SYT1: variants seen among roughly 807,000 people sequenced by gnomAD.
SYT1 encodes synaptotagmin-1.
Under a neutral mutation model 44.8 loss-of-function variants are expected in SYT1, and 8 were observed. The observed-to-expected ratio is 0.18, with a 90% confidence interval of 0.10 to 0.32. SYT1 has a LOEUF of 0.32. Among genes scored for constraint, SYT1 ranks in the 10% least tolerant of loss-of-function variants. The pLI is 1.00. For missense variants in SYT1, 286 were observed against 509.3 expected, an observed-to-expected ratio of 0.56 and a Z score of 4.22; for synonymous variants, 154 against 188.8, an observed-to-expected ratio of 0.82 and a Z score of 1.51.
chr12:79,045,317 C>G (rs992842317), intron 2 of SYT1, among the ~76,000 whole-genome samples: 1 of 152,136 alleles, frequency 6.6e-6, no homozygotes, highest in Non-Finnish European at 1.5e-5. Context: ...GGGATATAAT[C>G]TCGTGGTGCG....
Position 78,865,060 on chromosome 12 carries a change from G to A in SYT1, c.-266G>A, listed in dbSNP as rs920250780. ...TGTGCCTCGCGCCGGTCCACGCGGGGAGAGCACTGGGGACCGAGACCCGGC... is the reference window on the plus strand; with the variant it reads ...TGTGCCTCGCGCCGGTCCACGCGGGAAGAGCACTGGGGACCGAGACCCGGC... On this transcript the variant is annotated 5_prime_UTR_variant, in exon 1 of 11. Coordinates refer to ENST00000261205, the MANE Select transcript of SYT1 (RefSeq NM_005639.3). 1 of 152,384 alleles carries A rather than the reference G, an allele frequency of 6.6e-6. No homozygotes were observed. Among genetic ancestry groups the A allele is most frequent in the Admixed American group, 6.5e-5 (1 of 15,310 alleles). 9.4% of individuals were successfully genotyped at this position (152,384 alleles called of 1,614,324 possible).
At chr12:78,931,360 G>A (rs1175465553) in intron 1 of SYT1, among the ~76,000 whole-genome samples, 2 of 57,808 alleles carry the variant, frequency 3.5e-5, no homozygotes, top group Non-Finnish European at 7.3e-5. Flanking sequence ...AAGGAAGGAA[G>A]GAAGGAAGGA....
intron 1 of SYT1, among the ~76,000 whole-genome samples, chr12:78,883,477 C>A (rs1396934583): frequency 6.6e-6 from 1 of 151,666 alleles, no homozygotes; most frequent in South Asian, 2.1e-4. Flanking sequence ...GTCTTCTCTT[C>A]CAAGGTGAAA....
intron 2 of SYT1, among the ~76,000 whole-genome samples, chr12:79,034,308 A>G (rs540705971): frequency 2.0e-5 from 3 of 151,560 alleles, no homozygotes; most frequent in Non-Finnish European, 4.4e-5. Context: ...TTGGGTAAAT[A>G]CTGCTTTCTC....
chr12:79,320,055 C>A (rs1309083064), intron 8 of SYT1, among the ~76,000 whole-genome samples: 2 of 152,100 alleles, frequency 1.3e-5, no homozygotes, highest in African/African-American at 2.4e-5. Flanking sequence ...GTTTTCTAAG[C>A]CCTTGTGTTT....
At chr12:79,123,359 A>G (rs1377437853) in intron 3 of SYT1, among the ~76,000 whole-genome samples, 3 of 125,208 alleles carry the variant, frequency 2.4e-5, no homozygotes, top group African/African-American at 8.9e-5. Context: ...GTGTTTAGCT[A>G]TCATCTCAGA....
At chr12:79,342,036 T>G (rs1882399062) in intron 8 of SYT1, among the ~76,000 whole-genome samples, 1 of 152,066 alleles carries the variant, frequency 6.6e-6, no homozygotes, top group South Asian at 2.1e-4. Flanking sequence ...AAAGTGTAGG[T>G]GGCGTGGCAC....
intron 9 of SYT1, chr12:79,393,458 C>T (rs903610383): frequency 1.3e-5 from 2 of 152,204 alleles, no homozygotes; most frequent in Non-Finnish European, 2.9e-5. Context: ...ACATCCTCTC[C>T]AGCATCTGTT....
chr12:79,115,996 T>C (rs912839115), intron 3 of SYT1, among the ~76,000 whole-genome samples: 3 of 152,212 alleles, frequency 2.0e-5, no homozygotes, highest in Non-Finnish European at 2.9e-5. Context: ...GTGAACAAGA[T>C]AGCATACAAC....
intron 1 of SYT1, among the ~76,000 whole-genome samples, chr12:78,898,031 A>C (rs1373433255): frequency 6.6e-6 from 1 of 152,078 alleles, no homozygotes; most frequent in Non-Finnish European, 1.5e-5. Flanking sequence ...ATTACTAAAT[A>C]AAACTTAAGG....
rs1875712542 is a variant in SYT1 at position 78,902,308 on chromosome 12, CA to C, written c.-217+37201del. ...TGCCCACTGATTCTTGAAAAAATGACAATACATTTGTTTACATAAATTGTAA... is the reference window on the plus strand; with the variant it reads ...TGCCCACTGATTCTTGAAAAAATGACATACATTTGTTTACATAAATTGTAA... On this transcript the variant is annotated intron_variant, in intron 1 of 10. Coordinates refer to ENST00000261205, the MANE Select transcript of SYT1 (RefSeq NM_005639.3). Among the ~76,000 whole-genome samples, 7 of 151,948 alleles carry C rather than the reference CA, an allele frequency of 4.6e-5. No individual in the cohort carries two copies. The South Asian group carries it at 1.5e-3, about 32-fold the overall frequency.
intron 3 of SYT1, among the ~76,000 whole-genome samples, chr12:79,100,593 ACTT>A (rs1385177400): frequency 1.3e-5 from 2 of 152,090 alleles, no homozygotes; most frequent in East Asian, 3.9e-4. Flanking sequence ...AAACCAAAAT[ACTT>A]ATTATCAGAT....
chr12:79,313,891 C>G lies in SYT1; in HGVS notation c.810+14340C>G, dbSNP rs1425432104. 4.7e-5 allele frequency among the ~76,000 whole-genome samples: 7 copies of G among 148,980 alleles called. No homozygotes were observed. In the East Asian group the frequency reaches 1.2e-3, roughly 25 times the overall value. ...GCTCTCAAAAAAATATTAGCGGGGC[C>G]GGGCGCGGTGGCTCACGCCTGTAAT... is the stretch of plus-strand genomic sequence containing the variant. On this transcript the variant is annotated intron_variant, in intron 8 of 10. Transcript: ENST00000261205.
intron 8 of SYT1, among the ~76,000 whole-genome samples, chr12:79,350,626 A>T (rs1452851022): frequency 6.6e-6 from 1 of 152,200 alleles, no homozygotes; most frequent in African/African-American, 2.4e-5. Context: ...TGAGAAACAC[A>T]TGACAATCAT....
At chr12:79,442,240 C>T (rs952858079) in intron 9 of SYT1, among the ~76,000 whole-genome samples, 3 of 152,104 alleles carry the variant, frequency 2.0e-5, no homozygotes, top group Admixed American at 2.0e-4. Context: ...AATTGCAAGG[C>T]GTTGGATGGG....
chr12:79,026,667 TTATATATATATATATATATATA>T lies in SYT1; in HGVS notation c.-83-20616_-83-20595del, dbSNP rs3064320. ...TTGTGTGTGTATATACATATATATT[TTATATATATATATATATATATA>T]TATATATATATATCACACTTTCATT... On this transcript the variant is annotated intron_variant, in intron 2 of 10. Coordinates refer to ENST00000261205, the MANE Select transcript of SYT1 (RefSeq NM_005639.3). 1.1e-4 allele frequency among the ~76,000 whole-genome samples: 11 copies of T among 102,280 alleles called. No individual in the cohort carries two copies. In the South Asian group the frequency reaches 2.7e-3, roughly 25 times the overall value. The allele number at this position is 102,280 out of a possible 152,430, so 67.1% of individuals were successfully genotyped here. A position where few individuals can be genotyped will look rare whatever the true frequency, so the allele number is the denominator to read the frequency against.
intron 3 of SYT1, among the ~76,000 whole-genome samples, chr12:79,092,258 G>T (rs958163791): frequency 6.6e-6 from 1 of 151,774 alleles, no homozygotes; most frequent in Non-Finnish European, 1.5e-5. Context: ...AGAGCAATCT[G>T]GTCATATCTC....
intron 3 of SYT1, among the ~76,000 whole-genome samples, chr12:79,145,762 TTTGTTTG>T (rs1157115861): frequency 6.1e-5 from 9 of 147,228 alleles, no homozygotes; most frequent in Non-Finnish European, 1.0e-4. Flanking sequence ...TGTTTGTTTG[TTTGTTTG>T]TTTTTTGAGA....
chr12:79,370,201 GA>G (rs1287252407), intron 9 of SYT1, among the ~76,000 whole-genome samples: 1 of 152,152 alleles, frequency 6.6e-6, no homozygotes, highest in African/African-American at 2.4e-5. Context: ...TTAACTTTCT[GA>G]AGCAAATTCA....
Sources: gnomAD v4.1 joint callset for allele counts (sites outside exome capture counted in the v4.1 genomes callset) on GRCh38, gnomAD v4.1.1 for gene constraint, MANE v1.5 for transcripts, NCBI Gene and HGNC (gene_info 2026-07-23, HGNC 2026-07-21) for gene names.